The following KANSL1L variants were observed in gnomAD, a reference collection of about 807,000 sequenced individuals.
KANSL1L encodes the protein KAT8 regulatory NSL complex subunit 1 like.
KANSL1L carries 25 observed loss-of-function variants against 108.6 expected under a neutral mutation model. The ratio of observed to expected loss-of-function variants is 0.23; its 90% confidence interval spans 0.17 to 0.32. The LOEUF is 0.32. Ranked by LOEUF, KANSL1L falls within the 10% of genes least tolerant of loss-of-function variation. The pLI, the probability that KANSL1L is intolerant of heterozygous loss-of-function variation, is 1.00. For missense variants in KANSL1L, 1,137 were observed against 1,125.7 expected, an observed-to-expected ratio of 1.01 and a Z score of -0.14; for synonymous variants, 405 against 395.1, an observed-to-expected ratio of 1.03 and a Z score of -0.30.
chr2:210,094,785 A>T (rs778980921), intron 5 of KANSL1L, among the ~76,000 whole-genome samples: 4 of 152,022 alleles, frequency 2.6e-5, no homozygotes, highest in Non-Finnish European at 4.4e-5. Context: ...ATAAGCATTA[A>T]TTAAGTACTT....
At chr2:210,142,565 A>G (rs2095237971) in intron 2 of KANSL1L, among the ~76,000 whole-genome samples, 1 of 152,020 alleles carries the variant, frequency 6.6e-6, no homozygotes, top group Admixed American at 6.5e-5. Context: ...TTGAAGTATA[A>G]TGTTGTTTGA....
Position 210,129,317 on chromosome 2 carries a change from ACTT to A in KANSL1L, c.1089-148_1089-146del, listed in dbSNP as rs1443904760. The stretch of plus-strand genomic sequence containing the variant: ...TACAGGAAGAGAGAATGGCAGATTG[ACTT>A]CTTATCAAAGAAAAAGATATAATTT... On this transcript the variant is annotated intron_variant, in intron 2 of 14. Coordinates refer to ENST00000281772, the MANE Select transcript of KANSL1L (RefSeq NM_152519.4). 321 of 632,416 alleles carry A rather than the reference ACTT, an allele frequency of 5.1e-4. No homozygotes were observed. The East Asian group carries it at 9.1e-3, about 18-fold the overall frequency. 39.2% of individuals were successfully genotyped at this position (632,416 alleles called of 1,614,324 possible).
chr2:210,152,297 C>T (rs1377006010), intron 2 of KANSL1L: 2 of 152,136 alleles, frequency 1.3e-5, no homozygotes, highest in African/African-American at 4.8e-5. Flanking sequence ...TTTATCTGAC[C>T]ATTTCAACTA....
intron 2 of KANSL1L, among the ~76,000 whole-genome samples, chr2:210,140,719 T>C (rs1056717885): frequency 6.6e-6 from 1 of 152,180 alleles, no homozygotes; most frequent in Non-Finnish European, 1.5e-5. Flanking sequence ...AACAATGATA[T>C]GGAATTTGTA....
intron 6 of KANSL1L, among the ~76,000 whole-genome samples, chr2:210,045,792 A>T (rs1050824953): frequency 6.6e-6 from 1 of 152,082 alleles, no homozygotes; most frequent in East Asian, 1.9e-4. Flanking sequence ...ATTTCTGGTG[A>T]TTAGTTAGCT....
At chr2:210,123,701 A>G (rs1352758899) in intron 3 of KANSL1L, among the ~76,000 whole-genome samples, 2 of 152,136 alleles carry the variant, frequency 1.3e-5, no homozygotes, top group Non-Finnish European at 2.9e-5. Flanking sequence ...CAAAGAAAGA[A>G]TAAGTGTTTG....
intron 7 of KANSL1L, among the ~76,000 whole-genome samples, chr2:210,042,444 T>A (rs2094175677): frequency 6.6e-6 from 1 of 152,168 alleles, no homozygotes; most frequent in Admixed American, 6.5e-5. Context: ...CTCTCAGGGT[T>A]ATGTCATCAG....
intron 3 of KANSL1L, among the ~76,000 whole-genome samples, chr2:210,118,239 C>T (rs1435188670): frequency 2.0e-5 from 3 of 149,560 alleles, no homozygotes; most frequent in Admixed American, 6.7e-5. Context: ...GAGGCCGAGG[C>T]GGGTGGATCA....
intron 4 of KANSL1L, among the ~76,000 whole-genome samples, chr2:210,101,077 CT>C (rs1188721050): frequency 3.9e-5 from 6 of 152,322 alleles, no homozygotes; most frequent in African/African-American, 1.4e-4. Context: ...CTTTCTGCAT[CT>C]TTTACTTCTG....
At chr2:210,082,767 A>G (rs1307237837) in intron 5 of KANSL1L, among the ~76,000 whole-genome samples, 1 of 152,152 alleles carries the variant, frequency 6.6e-6, no homozygotes, top group Non-Finnish European at 1.5e-5. Context: ...CCACATTCAC[A>G]CCATTCTCAA....
chr2:210,125,006 C>A (rs542082038), intron 3 of KANSL1L, among the ~76,000 whole-genome samples: 8 of 152,208 alleles, frequency 5.3e-5, no homozygotes, highest in South Asian at 2.1e-4. Flanking sequence ...GTAATCCCAG[C>A]ACTTAGGGAG....
intron 2 of KANSL1L, chr2:210,152,759 T>C (rs1444233173): frequency 6.6e-6 from 1 of 152,168 alleles, no homozygotes; most frequent in Non-Finnish European, 1.5e-5. Flanking sequence ...GTAAGTCAAC[T>C]TACATGTACT....
At chr2:210,077,817 C>T (rs1375223963) in intron 5 of KANSL1L, among the ~76,000 whole-genome samples, 1 of 152,054 alleles carries the variant, frequency 6.6e-6, no homozygotes, top group African/African-American at 2.4e-5. Flanking sequence ...AGGCTTAGCC[C>T]AAAGAAGATG....
chr2:210,126,216 C>T (rs1213977378), intron 3 of KANSL1L, among the ~76,000 whole-genome samples: 2 of 152,054 alleles, frequency 1.3e-5, no homozygotes, highest in African/African-American at 4.8e-5. Context: ...CTTACAACAG[C>T]ATCAAAAAGA....
chr2:210,048,249 A>G (rs1289190831), intron 6 of KANSL1L, among the ~76,000 whole-genome samples: 1 of 152,192 alleles, frequency 6.6e-6, no homozygotes, highest in East Asian at 1.9e-4. Context: ...TTCCTGCCAG[A>G]GCTTCAGGGT....
chr2:210,071,419 C>G (rs930006165), intron 6 of KANSL1L, among the ~76,000 whole-genome samples: 1 of 151,874 alleles, frequency 6.6e-6, no homozygotes, highest in Non-Finnish European at 1.5e-5. Flanking sequence ...AGGCACAAAC[C>G]ATGATGCCTG....
At chr2:210,091,836 T>C (rs565895019) in intron 5 of KANSL1L, among the ~76,000 whole-genome samples, 58 of 152,298 alleles carry the variant, frequency 3.8e-4, no homozygotes, top group Non-Finnish European at 6.9e-4. Context: ...CCAAAGTATA[T>C]CCTTTATGTT....
upstream of KANSL1L, among the ~76,000 whole-genome samples, chr2:210,172,604 G>A (rs1688392308): frequency 6.6e-6 from 1 of 152,064 alleles, no homozygotes; most frequent in Non-Finnish European, 1.5e-5. Flanking sequence ...GGCAAGGGAA[G>A]AATTTTAGGA....
intron 5 of KANSL1L, among the ~76,000 whole-genome samples, chr2:210,085,039 TAAA>T (rs1367467671): frequency 6.6e-6 from 1 of 152,122 alleles, no homozygotes; most frequent in Non-Finnish European, 1.5e-5. Context: ...AAATTAATCA[TAAA>T]AAGATAATTT....
Sources: gnomAD v4.1 joint callset for allele counts (sites outside exome capture counted in the v4.1 genomes callset) on GRCh38, gnomAD v4.1.1 for gene constraint, MANE v1.5 for transcripts, NCBI Gene and HGNC (gene_info 2026-07-23, HGNC 2026-07-21) for gene names.